ZFP90: variants seen among roughly 807,000 people sequenced by gnomAD.
ZFP90 encodes zinc finger protein 90 homolog.
Under a neutral mutation model 60.8 loss-of-function variants are expected in ZFP90, and 38 were observed. The ratio of observed to expected loss-of-function variants is 0.62; its 90% confidence interval spans 0.48 to 0.82. ZFP90 has a LOEUF of 0.82. Ranked by LOEUF, ZFP90 falls within the 40% of genes least tolerant of loss-of-function variation. ZFP90 has a pLI of 0.00. For missense variants in ZFP90, 711 were observed against 759.1 expected (o/e 0.94, Z 0.74); for synonymous variants, 287 against 264.8 (o/e 1.08, Z -0.82).
chr16:68,561,689 A>AGCAATCAGAACATACTTGACTGATCTG (rs2091441487), intron 4 of ZFP90, among the ~76,000 whole-genome samples: 1 of 151,212 alleles, frequency 6.6e-6, no homozygotes, highest in Non-Finnish European at 1.5e-5. Context: ...TTGACTGATC[A>AGCAATCAGAACATACTTGACTGATCTG]GTAAGAAATC....
In ZFP90 at chr16:68,539,582, C is replaced by T. The variant is rs997518482; in HGVS notation, c.-36+103C>T. 2.5e-5 allele frequency: 14 copies of T among 558,702 alleles called. No individual in the cohort carries two copies. In the East Asian group the frequency reaches 2.6e-4, roughly 10 times the overall value. The allele number at this position is 558,702 out of a possible 1,614,324, so 34.6% of individuals were successfully genotyped here. ...CTGGGCGTGGCCGGAGGGGGGTGTCCGGGAGGCCGCTGAGCCTTTCATTTC... is the reference window on the plus strand; with the variant it reads ...CTGGGCGTGGCCGGAGGGGGGTGTCTGGGAGGCCGCTGAGCCTTTCATTTC... On this transcript the variant is annotated intron_variant, in intron 1 of 4. Transcript: ENST00000563169.
Position 68,557,895 on chromosome 16 carries a change from A to C in ZFP90, c.34-103A>C. On this transcript the variant is annotated intron_variant, in intron 2 of 4. Coordinates refer to ENST00000563169, the MANE Select transcript of ZFP90 (RefSeq NM_001305203.2). ...CAACATTGCCTCCTCAATCTAACAA[A>C]TGTGTGATCACCACTTCTGATAGCT... The C allele has an allele frequency of 4.7e-6, 7 of 1,494,018 alleles. No homozygotes were observed. The South Asian group carries it at 8.1e-5, about 17-fold the overall frequency. 92.5% of individuals were successfully genotyped at this position (1,494,018 alleles called of 1,614,324 possible).
At chr16:68,540,808 C>CAAAAAAAAAAAAAAA (rs35122186) in intron 2 of ZFP90, among the ~76,000 whole-genome samples, 2 of 92,696 alleles carry the variant, frequency 2.2e-5, no homozygotes, top group African/African-American at 4.5e-5. Context: ...TCCGTCTCTG[C>CAAAAAAAAAAAAAAA]AAAAAAAAAA....
chr16:68,552,664 A>G (rs1010143131), intron 2 of ZFP90, among the ~76,000 whole-genome samples: 6 of 152,186 alleles, frequency 3.9e-5, no homozygotes, highest in African/African-American at 9.7e-5. Context: ...AGGAGAAGCC[A>G]GAGTGGGGGC....
At chr16:68,549,963 G>A (rs2091230410) in intron 2 of ZFP90, among the ~76,000 whole-genome samples, 1 of 152,182 alleles carries the variant, frequency 6.6e-6, no homozygotes, top group African/African-American at 2.4e-5. Flanking sequence ...TGTGGCAGAA[G>A]CTTTGGGTAT....
At chr16:68,552,575 C>T (rs1036496944) in intron 2 of ZFP90, among the ~76,000 whole-genome samples, 1 of 152,076 alleles carries the variant, frequency 6.6e-6, no homozygotes, top group African/African-American at 2.4e-5. Flanking sequence ...CTTGAAGTAA[C>T]GCTTGCCGAG....
intron 4 of ZFP90, among the ~76,000 whole-genome samples, chr16:68,560,834 G>C (rs2091429409): frequency 6.7e-6 from 1 of 150,212 alleles, no homozygotes; most frequent in Admixed American, 6.7e-5. Context: ...AAAGTGCTGG[G>C]ATTACAAGCC....
At chr16:68,535,585 T>C (rs1014019753), upstream of ZFP90, 4 of 152,154 alleles carry the variant, frequency 2.6e-5, no homozygotes, top group Non-Finnish European at 5.9e-5. Flanking sequence ...ATTGAAAACT[T>C]TTCCCAACAC....
chr16:68,540,144 A>AGT (rs1052993607), intron 2 of ZFP90, among the ~76,000 whole-genome samples: 8 of 152,152 alleles, frequency 5.3e-5, no homozygotes, highest in African/African-American at 1.7e-4. Flanking sequence ...AAATGGAGAG[A>AGT]GTGGGGTCAC....
chr16:68,544,050 C>A (rs1435167390), intron 2 of ZFP90, among the ~76,000 whole-genome samples: 1 of 152,024 alleles, frequency 6.6e-6, no homozygotes, highest in Non-Finnish European at 1.5e-5. Flanking sequence ...GATGGGGTTT[C>A]ACTATGTTGG....
intron 2 of ZFP90, among the ~76,000 whole-genome samples, chr16:68,552,959 G>T (rs1460435491): frequency 1.3e-5 from 2 of 152,090 alleles, no homozygotes; most frequent in African/African-American, 4.8e-5. Context: ...GGTTGAAATG[G>T]GAAAATTGCC....
At chr16:68,543,098 T>G (rs916776009) in intron 2 of ZFP90, among the ~76,000 whole-genome samples, 1 of 152,128 alleles carries the variant, frequency 6.6e-6, no homozygotes, top group South Asian at 2.1e-4. Context: ...TTATCCTTAT[T>G]GAGATGGTGA....
rs751577656 is a variant in ZFP90 at position 68,558,497 on chromosome 16, T to A, written c.185T>A (p.Val62Glu). 32 of 1,613,674 alleles carry A rather than the reference T, an allele frequency of 2.0e-5. No individual in the cohort carries two copies. The highest frequency in any genetic ancestry group is 2.7e-5 in the Non-Finnish European group (32 of 1,179,976). ...SLGYQVSKPE[V>E]IFKLEQGEEP... ...GGATATCAAGTTTCCAAGCCAGAGG[T>A]GATCTTCAAATTGGAGCAAGGAGAA... is the stretch of plus-strand genomic sequence containing the variant. Residue 62 changes from valine (V) to glutamate (E), a missense_variant, in exon 4 of 5, where the codon GTG becomes GAG. Val to Glu is a moderately radical substitution (Grantham distance 121). Around this residue, in one of 5 missense-constraint regions of ZFP90, gnomAD observed 241 missense variants for 247.6 expected, o/e 0.97. Coordinates refer to ENST00000563169, the MANE Select transcript of ZFP90 (RefSeq NM_001305203.2).
At chr16:68,536,337 C>T (rs968036918), upstream of ZFP90, among the ~76,000 whole-genome samples, 18 of 152,104 alleles carry the variant, frequency 1.2e-4, no homozygotes, top group Non-Finnish European at 2.4e-4. Flanking sequence ...GAGGGTCTTG[C>T]TCTGTCACGC....
intron 2 of ZFP90, among the ~76,000 whole-genome samples, chr16:68,545,413 CTATTT>C (rs1371732716): frequency 6.6e-6 from 1 of 152,156 alleles, no homozygotes; most frequent in Non-Finnish European, 1.5e-5. Flanking sequence ...CACAATGAGC[CTATTT>C]TATTTTCTGA....
At chr16:68,576,260 C>T (rs1291968352), downstream of ZFP90, among the ~76,000 whole-genome samples, 3 of 152,182 alleles carry the variant, frequency 2.0e-5, no homozygotes, top group Non-Finnish European at 4.4e-5. Context: ...TAAGACTCTA[C>T]TCACAAGACT....
chr16:68,542,088 C>A (rs2091060509), intron 2 of ZFP90, among the ~76,000 whole-genome samples: 1 of 152,128 alleles, frequency 6.6e-6, no homozygotes, highest in Non-Finnish European at 1.5e-5. Context: ...GAGCATGACC[C>A]TCAGGGGAAT....
chr16:68,536,663 G>A (rs903933170), upstream of ZFP90, among the ~76,000 whole-genome samples: 7 of 152,110 alleles, frequency 4.6e-5, no homozygotes, highest in East Asian at 1.9e-4. Context: ...GTGGCATTGC[G>A]TCAGTGGTTA....
chr16:68,535,504 A>G (rs1276275959), upstream of ZFP90: 1 of 152,098 alleles, frequency 6.6e-6, no homozygotes, highest in East Asian at 1.9e-4. Flanking sequence ...ACTATGAAAA[A>G]CAAAGCTCTT....
Sources: allele counts gnomAD v4.1 joint callset (sites outside exome capture counted in the v4.1 genomes callset), GRCh38; gene constraint gnomAD v4.1.1; regional missense constraint gnomAD v4.1.1; transcripts MANE v1.5; gene names NCBI Gene and HGNC (gene_info 2026-07-23, HGNC 2026-07-21).